The following NLN variants were observed in gnomAD, a reference collection of about 807,000 sequenced individuals.
NLN encodes the protein neurolysin.
Under a neutral mutation model 79.9 loss-of-function variants are expected in NLN, and 64 were observed. That is an observed-to-expected ratio of 0.80 (90% CI 0.65 to 0.99). The LOEUF is 0.99. Ranked by LOEUF, NLN falls within the 50% of genes least tolerant of loss-of-function variation. The probability of loss-of-function intolerance (pLI) is 0.00; values close to 1 mark genes in which losing one functional copy is unlikely to be tolerated. For synonymous variants in NLN, 267 were observed against 296.6 expected (o/e 0.90, Z 1.02); for missense variants, 835 against 858.7 (o/e 0.97, Z 0.34).
At chr5:65,765,148 T>C (rs1579932988) in intron 3 of NLN, among the ~76,000 whole-genome samples, 1 of 151,738 alleles carries the variant, frequency 6.6e-6, no homozygotes. Context: ...TTTGTGAGGC[T>C]GAGGCAGGCA....
In NLN at chr5:65,826,984, T is replaced by C. The variant is rs1176861328; in HGVS notation, c.*4069T>C. 1 of 151,596 alleles carries C rather than the reference T, an allele frequency of 6.6e-6. No homozygotes were observed. The highest frequency in any genetic ancestry group is 1.5e-5 in the Non-Finnish European group (1 of 67,960). The allele number at this position is 151,596 out of a possible 1,614,324, so 9.4% of individuals were successfully genotyped here. On this transcript the variant is annotated 3_prime_UTR_variant, in exon 13 of 13. Coordinates refer to ENST00000380985, the MANE Select transcript of NLN (RefSeq NM_020726.5). The stretch of plus-strand genomic sequence containing the variant: ...AAACAGTCAACGTCCAAAAAGTTTA[T>C]TTTTTGAGTCACCTTTAATAGAGAA...
intron 1 of NLN, among the ~76,000 whole-genome samples, chr5:65,726,396 T>C (rs1177947636): frequency 6.6e-6 from 1 of 152,244 alleles, no homozygotes; most frequent in African/African-American, 2.4e-5. Context: ...GCTACTAGTA[T>C]AGTTTGGTGT....
chr5:65,775,167 A>G (rs116327468), intron 3 of NLN, among the ~76,000 whole-genome samples: 1,908 of 152,304 alleles, frequency 0.013, 22 homozygotes, highest in Non-Finnish European at 0.018. Context: ...CATATCCTGA[A>G]TGTATTTTAG....
At chr5:65,809,795 G>A (rs2561196) in intron 10 of NLN, 94 bp downstream of exon 10, 769,418 of 1,098,836 alleles carry the variant, frequency 0.7, 270,748 homozygotes, top group African/African-American at 0.8. Flanking sequence ...TTCATTTTAA[G>A]TGGTATCCCA....
chr5:65,810,046 C>T lies in NLN; in HGVS notation c.1724C>T (p.Thr575Ile). Residue 575 changes from threonine (T) to isoleucine (I), a missense_variant, in exon 11 of 13, where the codon ACC becomes ATC. Physicochemically the swap from Thr to Ile is moderately conservative, Grantham distance 89. Coordinates refer to ENST00000380985, the MANE Select transcript of NLN (RefSeq NM_020726.5). ...ATTCTTATGTTATTAGGTCTTCTGACCCTGCGCCAGATTGTTTTGAGCAAA... is the reference window on the plus strand; with the variant it reads ...ATTCTTATGTTATTAGGTCTTCTGATCCTGCGCCAGATTGTTTTGAGCAAA... ...ASRLVNTGLL[T>I]LRQIVLSKVD... The T allele has an allele frequency of 1.9e-6, 3 of 1,614,016 alleles. No individual in the cohort carries two copies. Among genetic ancestry groups the T allele is most frequent in the Non-Finnish European group, 1.7e-6 (2 of 1,180,004 alleles).
chr5:65,740,216 G>A (rs1450592358), intron 1 of NLN, among the ~76,000 whole-genome samples: 3 of 152,120 alleles, frequency 2.0e-5, no homozygotes, highest in East Asian at 1.9e-4. Context: ...AAGGTCGAGG[G>A]TCTTCTGCAT....
chr5:65,772,581 A>T (rs1035890086), intron 3 of NLN, among the ~76,000 whole-genome samples: 1 of 152,200 alleles, frequency 6.6e-6, no homozygotes, highest in African/African-American at 2.4e-5. Flanking sequence ...AATGTCATGG[A>T]CTGGGGCAGG....
chr5:65,820,944 A>G (rs1283370776), intron 12 of NLN, among the ~76,000 whole-genome samples: 7 of 54,528 alleles, frequency 1.3e-4, no homozygotes, highest in African/African-American at 5.3e-4. Flanking sequence ...TTGGAGGCTG[A>G]GGCATAAGAA....
rs1759372882 is a variant in NLN at position 65,763,031 on chromosome 5, G to A, written c.373G>A (p.Ala125Thr). Residue 125 changes from alanine (A) to threonine (T), a missense_variant, in exon 3 of 13, where the codon GCA (alanine) becomes ACA (threonine). Ala to Thr is a moderately conservative substitution (Grantham distance 58). Coordinates refer to ENST00000380985, the MANE Select transcript of NLN (RefSeq NM_020726.5). ...AGAAGTACGAGCAGCAAGTACAGAAGCAGACAAAAGACTTTCTCGTTTTGA... is the reference window on the plus strand; with the variant it reads ...AGAAGTACGAGCAGCAAGTACAGAAACAGACAAAAGACTTTCTCGTTTTGA... ...DKEVRAASTE[A>T]DKRLSRFDIE... The A allele has an allele frequency of 1.2e-6, 2 of 1,613,858 alleles. No homozygotes were observed. Among genetic ancestry groups the A allele is most frequent in the Admixed American group, 3.3e-5 (2 of 60,004 alleles).
At chr5:65,800,547 C>T (rs1384196466) in intron 9 of NLN, among the ~76,000 whole-genome samples, 1 of 152,088 alleles carries the variant, frequency 6.6e-6, no homozygotes, top group African/African-American at 2.4e-5. Flanking sequence ...TGGTGGCGGG[C>T]GCCTGTAGCC....
chr5:65,741,642 T>G (rs1433188945), intron 1 of NLN, among the ~76,000 whole-genome samples: 4 of 152,186 alleles, frequency 2.6e-5, no homozygotes, highest in African/African-American at 9.7e-5. Context: ...ACCAATTAAG[T>G]GTGCCAAAAG....
chr5:65,754,544 A>G (rs2150744072), intron 1 of NLN, among the ~76,000 whole-genome samples: 1 of 152,214 alleles, frequency 6.6e-6, no homozygotes, highest in South Asian at 2.1e-4. Context: ...CTCCATTGTT[A>G]TTTCTGGAAC....
chr5:65,722,483 G>T (rs1758336666), intron 1 of NLN, 69 bp downstream of exon 1: 1 of 1,399,472 alleles, frequency 7.1e-7, no homozygotes, highest in Non-Finnish European at 9.8e-7. Flanking sequence ...GGTGCCTGGA[G>T]CCCGGACCCA....
chr5:65,788,057 A>T, intron 7 of NLN, 61 bp from the exon 8 acceptor site: 2 of 1,530,634 alleles, frequency 1.3e-6, no homozygotes, highest in Non-Finnish European at 1.8e-6. Context: ...CACAGGTGGT[A>T]TTTATGAGTA....
chr5:65,733,065 A>G lies in NLN; in HGVS notation c.41+10651A>G. Reference sequence around the variant, plus strand: ...CCACCCCCCTCCTCTAACTGGCACCATTGCCCATAACTAATTTCTTGCTCT... The same window carrying G: ...CCACCCCCCTCCTCTAACTGGCACCGTTGCCCATAACTAATTTCTTGCTCT... On this transcript the variant is annotated intron_variant, in intron 1 of 12. Coordinates refer to ENST00000380985, the MANE Select transcript of NLN (RefSeq NM_020726.5). 13 of 1,371,730 alleles carry G rather than the reference A, an allele frequency of 9.5e-6. 1 individual carries two copies. Among genetic ancestry groups the G allele is most frequent in the Admixed American group, 3.5e-5 (2 of 57,764 alleles). 85.0% of individuals were successfully genotyped at this position (1,371,730 alleles called of 1,614,324 possible). A position where few individuals can be genotyped will look rare whatever the true frequency, so the allele number is the denominator to read the frequency against.
rs960435740 is a variant in NLN at position 65,722,646 on chromosome 5, A to C, written c.41+232A>C. 35 of 523,134 alleles carry C rather than the reference A, an allele frequency of 6.7e-5. No individual in the cohort carries two copies. In the East Asian group the frequency reaches 8.8e-4, roughly 13 times the overall value. The allele number at this position is 523,134 out of a possible 1,614,324, so 32.4% of individuals were successfully genotyped here. On this transcript the variant is annotated intron_variant, in intron 1 of 12. Coordinates refer to ENST00000380985, the MANE Select transcript of NLN (RefSeq NM_020726.5). Reference sequence around the variant, plus strand: ...GGACGTCCATTCCTCTTTGTTTGGGACTGCCTCAGCCGCAGTCAGCGAGGC... The same window carrying C: ...GGACGTCCATTCCTCTTTGTTTGGGCCTGCCTCAGCCGCAGTCAGCGAGGC...
At chr5:65,765,844 C>A (rs1173607082) in intron 3 of NLN, among the ~76,000 whole-genome samples, 2 of 152,050 alleles carry the variant, frequency 1.3e-5, no homozygotes, top group Admixed American at 1.3e-4. Context: ...TCCCAAGACA[C>A]CAATAATATA....
rs1335368178 is a variant in NLN, at chr5:65,810,075, G to T, written c.1753G>T (p.Asp585Tyr). 9 of 1,613,888 alleles carry T rather than the reference G, an allele frequency of 5.6e-6. No homozygotes were observed. The highest frequency in any genetic ancestry group is 7.6e-6 in the Non-Finnish European group (9 of 1,179,916). The change falls in exon 11 of 13, where the codon GAT (aspartate) becomes TAT (tyrosine). Residue 585 changes from aspartate to tyrosine, a missense_variant. By Grantham distance (160) the Asp-to-Tyr change is radical. Coordinates refer to ENST00000380985, the MANE Select transcript of NLN (RefSeq NM_020726.5). ...GCGCCAGATTGTTTTGAGCAAAGTT[G>T]ATCAGTCTCTTCATACCAACACATC... ...TLRQIVLSKV[D>Y]QSLHTNTSLD...
chr5:65,757,054 A>G (rs1444952929), intron 1 of NLN, among the ~76,000 whole-genome samples: 3 of 152,210 alleles, frequency 2.0e-5, no homozygotes, highest in African/African-American at 7.2e-5. Context: ...TCAGTGTAGT[A>G]TAATTGCATA....
Sources: allele counts gnomAD v4.1 joint callset (sites outside exome capture counted in the v4.1 genomes callset), GRCh38; gene constraint gnomAD v4.1.1; transcripts MANE v1.5; gene names NCBI Gene and HGNC (gene_info 2026-07-23, HGNC 2026-07-21).